Variants in CYP4F11 observed in about 807,000 individuals in gnomAD.
CYP4F11 encodes cytochrome P450 4F11.
A neutral mutation model predicts 62.2 loss-of-function variants in CYP4F11; 79 were observed. The observed-to-expected ratio is 1.27, with a 90% CI of 1.06 to 1.53. The LOEUF is 1.53. CYP4F11 is among the 40% of genes most tolerant of loss of function. The pLI, the probability that CYP4F11 is intolerant of heterozygous loss-of-function variation, is 0.00. For synonymous variants in CYP4F11, 290 were observed against 263.7 expected (o/e 1.10, Z -0.97); for missense variants, 777 against 680.5 (o/e 1.14, Z -1.58).
rs754470602 is a variant in CYP4F11 at position 15,914,623 on chromosome 19, T to C, written c.1293A>G (p.Pro431=). Residue 431 remains proline, a synonymous_variant, in exon 10 of 12, where the codon CCA becomes CCG. Coordinates refer to ENST00000402119, the MANE Select transcript of CYP4F11 (RefSeq NM_021187.4). ...CTACCTCAGGGTCTGGCCACACAGTTGGGTTGTAATGGATCCCGATAATAT... is the reference window on the plus strand; with the variant it reads ...CTACCTCAGGGTCTGGCCACACAGTCGGGTTGTAATGGATCCCGATAATAT... ...LINIIGIHYN[P]TVWPDPEVYD... 9.9e-6 allele frequency: 16 copies of C among 1,613,938 alleles called. No individual in the cohort carries two copies. Among genetic ancestry groups the C allele is most frequent in the African/African-American group, 1.3e-5 (1 of 74,882 alleles).
At chr19:15,922,755 G>A (rs1371962568) in intron 6 of CYP4F11, among the ~76,000 whole-genome samples, 2 of 152,218 alleles carry the variant, frequency 1.3e-5, no homozygotes, top group Non-Finnish European at 2.9e-5. Flanking sequence ...TCACTTGGAG[G>A]TTAGAAATTA....
chr19:15,931,661 CGAGG>C (rs1568257630), intron 1 of CYP4F11, among the ~76,000 whole-genome samples: 29 of 22,252 alleles, frequency 1.3e-3, no homozygotes, highest in Non-Finnish European at 1.7e-3. Flanking sequence ...AATGAGTGAG[CGAGG>C]AGAGGAATGA....
chr19:15,923,437 G>C (rs2089644851), intron 6 of CYP4F11, among the ~76,000 whole-genome samples: 1 of 152,102 alleles, frequency 6.6e-6, no homozygotes, highest in Non-Finnish European at 1.5e-5. Flanking sequence ...AAGGAATATG[G>C]GAATAGAGAG....
At chr19:15,933,997 T>G (rs1264418777) in intron 1 of CYP4F11, among the ~76,000 whole-genome samples, 5 of 112,420 alleles carry the variant, frequency 4.4e-5, no homozygotes, top group East Asian at 4.7e-4. Context: ...GAGGAATGAG[T>G]GAGTGGGCAG....
intron 11 of CYP4F11, 65 bp from the exon 12 acceptor site, chr19:15,913,974 G>C (rs1322510181): frequency 7.1e-6 from 11 of 1,545,550 alleles, no homozygotes; most frequent in Non-Finnish European, 7.9e-6. Flanking sequence ...ATCATGCTTA[G>C]AACCTGGCCT....
chr19:15,925,645 C>A (rs2089662875), intron 4 of CYP4F11, among the ~76,000 whole-genome samples: 1 of 151,420 alleles, frequency 6.6e-6, no homozygotes, highest in Non-Finnish European at 1.5e-5. Flanking sequence ...AACAAACCTG[C>A]ACGTTCTGCA....
intron 1 of CYP4F11, among the ~76,000 whole-genome samples, chr19:15,931,090 G>GGAATGAGTGAGTGAGGAGAAGAATGAGT (rs1568256939): frequency 1.7e-4 from 25 of 150,188 alleles, no homozygotes; most frequent in African/African-American, 5.6e-4. Flanking sequence ...AAAAGAGAAG[G>GGAATGAGTGAGTGAGGAGAAGAATGAGT]GAGTGGCCAA....
Position 15,934,240 on chromosome 19 carries a change from G to A in CYP4F11, c.169C>T (p.Gln57Ter). ...CCCTGGTGTCCCCAAAACCAGTTCT[G>A]TTTCGGGGGTTGAGGAAAACACTGG... ...RLQCFPQPPK[Q>*]NWFWGHQGLV... The change falls in exon 1 of 12, where the codon CAG becomes TAG. Residue 57 changes from glutamine (Q) to a stop codon, truncating the protein, a stop_gained. Transcript: ENST00000402119. LOFTEE classifies it high-confidence loss of function. 1.2e-6 allele frequency: 2 copies of A among 1,613,724 alleles called. No individual in the cohort carries two copies. Among genetic ancestry groups the A allele is most frequent in the Non-Finnish European group, 1.7e-6 (2 of 1,179,772 alleles).
intron 10 of CYP4F11, 53 bp downstream of exon 10, chr19:15,914,549 C>T (rs2089566690): frequency 6.2e-7 from 1 of 1,607,184 alleles, no homozygotes; most frequent in African/African-American, 1.3e-5. Context: ...CTGTCACCTC[C>T]TCTAGGAACC....
chr19:15,914,990 C>G (rs919545176), intron 8 of CYP4F11, 95 bp from the exon 9 acceptor site: 1 of 1,518,268 alleles, frequency 6.6e-7, no homozygotes, highest in Non-Finnish European at 8.8e-7. Flanking sequence ...CTCCCTATCA[C>G]AAAATAAATT....
chr19:15,926,560 G>A (rs1018844749), intron 4 of CYP4F11, among the ~76,000 whole-genome samples: 1 of 152,194 alleles, frequency 6.6e-6, no homozygotes, highest in Non-Finnish European at 1.5e-5. Context: ...ACCTAAGCCT[G>A]GTTGAACTTT....
chr19:15,923,799 C>A lies in CYP4F11; in HGVS notation c.918+13G>T, dbSNP rs2089647366. ...CACTCTATTACTTGAATTCACATCC[C>A]AGAGAAGCCTACCTTGCTCAGCAGA... is the stretch of plus-strand genomic sequence containing the variant. On this transcript the variant is annotated intron_variant, in intron 6 of 11. Coordinates refer to ENST00000402119, the MANE Select transcript of CYP4F11 (RefSeq NM_021187.4). The A allele has an allele frequency of 3.1e-6, 5 of 1,606,564 alleles. No individual in the cohort carries two copies. Among genetic ancestry groups the A allele is most frequent in the Non-Finnish European group, 4.3e-6 (5 of 1,174,322 alleles).
chr19:15,926,463 A>C (rs1325522665), intron 4 of CYP4F11, among the ~76,000 whole-genome samples: 1 of 152,208 alleles, frequency 6.6e-6, no homozygotes, highest in African/African-American at 2.4e-5. Flanking sequence ...CCAACTCCCA[A>C]TTCTTCACTT....
At chr19:15,914,180 G>T in intron 11 of CYP4F11, 125 bp downstream of exon 11, 1 of 1,267,460 alleles carries the variant, frequency 7.9e-7, no homozygotes, top group Non-Finnish European at 1.1e-6. Flanking sequence ...TCTGTGAACA[G>T]TTGCCCATGA....
chr19:15,927,515 G>T (rs1254640379), intron 2 of CYP4F11, 32 bp from the exon 3 acceptor site: 2 of 1,612,458 alleles, frequency 1.2e-6, no homozygotes, highest in East Asian at 4.5e-5. Flanking sequence ...AGTGGCCATG[G>T]AGAGGGGTGA....
At chr19:15,929,711 T>A in intron 1 of CYP4F11, 110 bp from the exon 2 acceptor site, 1 of 1,232,896 alleles carries the variant, frequency 8.1e-7, no homozygotes, top group Non-Finnish European at 1.1e-6. Flanking sequence ...TAAAACATGC[T>A]GGTAAAACAT....
At chr19:15,932,132 A>G (rs1428990329) in intron 1 of CYP4F11, among the ~76,000 whole-genome samples, 229 of 6,114 alleles carry the variant, frequency 0.037, no homozygotes, top group Non-Finnish European at 0.05. Flanking sequence ...GAGGAGAGGA[A>G]TGAGTGAGTG....
intron 8 of CYP4F11, among the ~76,000 whole-genome samples, chr19:15,918,601 A>G (rs1599371754): frequency 6.6e-6 from 1 of 152,322 alleles, no homozygotes; most frequent in African/African-American, 2.4e-5. Flanking sequence ...TGTCCTGCAG[A>G]GATATTCACA....
In CYP4F11 at chr19:15,934,344, A is replaced by G. The variant is rs1235240494; in HGVS notation, c.65T>C (p.Leu22Pro). 2 of 1,613,406 alleles carry G rather than the reference A, an allele frequency of 1.2e-6. No individual in the cohort carries two copies. Among genetic ancestry groups the G allele is most frequent in the Admixed American group, 3.3e-5 (2 of 59,996 alleles). Reference protein sequence around the residue: ...GPVAASPWLLLLLVGGSWLLA... With the variant: ...GPVAASPWLLPLLVGGSWLLA... ...GAGCCAGGAGCCTCCAACCAGCAGC[A>G]GAAGCAGCCACGGGGATGCTGCCAC... The change falls in exon 1 of 12, where the codon CTG (leucine) becomes CCG (proline). Residue 22 changes from leucine (L) to proline (P), a missense_variant. Coordinates refer to ENST00000402119, the MANE Select transcript of CYP4F11 (RefSeq NM_021187.4).
Sources: gnomAD v4.1 joint callset for allele counts (sites outside exome capture counted in the v4.1 genomes callset) on GRCh38, gnomAD v4.1.1 for gene constraint, MANE v1.5 for transcripts, NCBI Gene and HGNC (gene_info 2026-07-23, HGNC 2026-07-21) for gene names.